The following CNKSR2 variants were observed in gnomAD, a reference collection of about 807,000 sequenced individuals.
CNKSR2 encodes the protein connector enhancer of kinase suppressor of Ras 2.
A neutral mutation model predicts 84.4 loss-of-function variants in CNKSR2; 14 were observed. The ratio of observed to expected loss-of-function variants is 0.17; its 90% CI spans 0.11 to 0.26. The LOEUF (loss-of-function observed/expected upper bound fraction) is 0.26, where lower values mean the gene tolerates loss of function less well. CNKSR2 is among the 10% of genes least tolerant of loss of function. The probability of loss-of-function intolerance (pLI) is 1.00; values close to 1 mark genes in which losing one functional copy is unlikely to be tolerated. For missense variants in CNKSR2, 485 were observed against 771.2 expected (o/e 0.63, Z 4.40); for synonymous variants, 275 against 277.9 (o/e 0.99, Z 0.10).
chrX:21,587,648 G>C (rs184531823), intron 13 of CNKSR2, among the ~76,000 whole-genome samples: 1 of 112,244 alleles, frequency 8.9e-6, no homozygotes, highest in Admixed American at 9.4e-5. Context: ...AGTTCTGCTA[G>C]AAAAGATGAT....
At chrX:21,647,221 G>C (rs1468835751) in intron 20 of CNKSR2, among the ~76,000 whole-genome samples, 2 of 112,365 alleles carry the variant, frequency 1.8e-5, no homozygotes, top group African/African-American at 6.5e-5. Flanking sequence ...CTTAGTGATA[G>C]CATGTGCTGA....
At chrX:21,378,823 C>T (rs2089857385) in intron 1 of CNKSR2, among the ~76,000 whole-genome samples, 2 of 111,309 alleles carry the variant, frequency 1.8e-5, no homozygotes, top group African/African-American at 6.5e-5. Context: ...CCCCATTTTG[C>T]TTGTCTTCTC....
chrX:21,545,160 G>A (rs898917083), intron 11 of CNKSR2, among the ~76,000 whole-genome samples: 4 of 111,653 alleles, frequency 3.6e-5, no homozygotes, highest in Non-Finnish European at 5.7e-5. Flanking sequence ...CTGCCAGCAC[G>A]GCAGTCTGAA....
intron 3 of CNKSR2, among the ~76,000 whole-genome samples, chrX:21,435,537 T>C (rs1331128840): frequency 1.8e-5 from 2 of 111,729 alleles, no homozygotes; most frequent in Admixed American, 1.9e-4. Context: ...ATTTAAAATA[T>C]TGATTTCAGT....
intron 18 of CNKSR2, 199 bp from the exon 19 acceptor site, chrX:21,606,580 T>G: frequency 6.2e-6 from 2 of 324,551 alleles, no homozygotes; most frequent in South Asian, 9.6e-5. Flanking sequence ...ATGTTAGAAT[T>G]AGGTGATTGT....
intron 20 of CNKSR2, among the ~76,000 whole-genome samples, chrX:21,614,823 A>G (rs2147292987): frequency 9.0e-6 from 1 of 111,351 alleles, no homozygotes; most frequent in South Asian, 3.8e-4. Flanking sequence ...ATGGCTTACC[A>G]ATGTCAGGAC....
At chrX:21,508,060 T>A (rs2091631805) in intron 8 of CNKSR2, among the ~76,000 whole-genome samples, 1 of 112,536 alleles carries the variant, frequency 8.9e-6, no homozygotes, top group Non-Finnish European at 1.9e-5. Context: ...GGGCGGTGGC[T>A]CATGCCTGTA....
intron 9 of CNKSR2, among the ~76,000 whole-genome samples, chrX:21,521,204 G>A (rs1473501391): frequency 9.0e-6 from 1 of 110,558 alleles, no homozygotes; most frequent in Non-Finnish European, 1.9e-5. Flanking sequence ...TGAGAGTTTT[G>A]TTTTAAGGAG....
chrX:21,521,016 A>T (rs2091777678), intron 9 of CNKSR2, among the ~76,000 whole-genome samples: 1 of 110,499 alleles, frequency 9.0e-6, no homozygotes, highest in Non-Finnish European at 1.9e-5. Context: ...TTGTTTATCA[A>T]CTGGTGTAAC....
intron 11 of CNKSR2, among the ~76,000 whole-genome samples, chrX:21,541,017 C>G (rs1391335258): frequency 9.2e-6 from 1 of 108,467 alleles, no homozygotes; most frequent in Non-Finnish European, 1.9e-5. Flanking sequence ...GAGTCTTGCT[C>G]TGTTGCCCAG....
chrX:21,590,718 G>A, intron 14 of CNKSR2, 98 bp downstream of exon 14: 1 of 893,093 alleles, frequency 1.1e-6, no homozygotes. Context: ...AGCCCAGTGT[G>A]GTTTAGAAGA....
rs775033986 is a variant in CNKSR2 at position 21,508,987 on chromosome X, G to T, written c.810+7399G>T. Among the ~76,000 whole-genome samples, 174 of 112,164 alleles carry T rather than the reference G, an allele frequency of 1.6e-3. 1 individual carries two copies. Among genetic ancestry groups the T allele is most frequent in the Non-Finnish European group, 2.3e-3 (121 of 53,188 alleles). On this transcript the variant is annotated intron_variant, in intron 8 of 21. Coordinates refer to ENST00000379510, the MANE Select transcript of CNKSR2 (RefSeq NM_014927.5). ...GCAAAAAGATTCCAGGGGAGAAAAAGTGCTAGCTTCTTGTAGTGTTTGAGT... is the reference window on the plus strand; with the variant it reads ...GCAAAAAGATTCCAGGGGAGAAAAATTGCTAGCTTCTTGTAGTGTTTGAGT...
chrX:21,460,820 G>A (rs2091051699), intron 4 of CNKSR2, among the ~76,000 whole-genome samples: 1 of 111,512 alleles, frequency 9.0e-6, no homozygotes, highest in Non-Finnish European at 1.9e-5. Context: ...TGCCTGGCCT[G>A]TTTCACTTAA....
At chrX:21,600,976 A>G (rs2092478437) in intron 17 of CNKSR2, among the ~76,000 whole-genome samples, 1 of 112,329 alleles carries the variant, frequency 8.9e-6, no homozygotes, top group African/African-American at 3.2e-5. Flanking sequence ...GAATATTTGG[A>G]GTACTTCTAC....
chrX:21,392,915 G>T (rs2090070649), intron 1 of CNKSR2, among the ~76,000 whole-genome samples: 2 of 110,921 alleles, frequency 1.8e-5, no homozygotes, highest in African/African-American at 6.6e-5. Context: ...CTTTATACTT[G>T]CCCTTAATTC....
chrX:21,464,496 G>T (rs1158414448), intron 4 of CNKSR2, among the ~76,000 whole-genome samples: 1 of 111,714 alleles, frequency 9.0e-6, no homozygotes, highest in African/African-American at 3.3e-5. Context: ...ATCGGCTGGG[G>T]GGACAATCCC....
chrX:21,639,437 G>A (rs1390267899), intron 20 of CNKSR2, among the ~76,000 whole-genome samples: 1 of 111,773 alleles, frequency 8.9e-6, no homozygotes, highest in Non-Finnish European at 1.9e-5. Context: ...TAGGAGTGCC[G>A]TTGTAGTTTC....
intron 20 of CNKSR2, among the ~76,000 whole-genome samples, chrX:21,612,613 C>T (rs2092556036): frequency 8.9e-6 from 1 of 112,172 alleles, no homozygotes; most frequent in Admixed American, 9.4e-5. Flanking sequence ...CTGTCATATG[C>T]TTTAAGGGTG....
At chrX:21,408,547 T>C (rs1237318254) in intron 1 of CNKSR2, among the ~76,000 whole-genome samples, 1 of 111,556 alleles carries the variant, frequency 9.0e-6, no homozygotes, top group African/African-American at 3.3e-5. Context: ...TTACATAATA[T>C]AAAGTCATTA....
Sources: gnomAD v4.1 joint callset for allele counts (sites outside exome capture counted in the v4.1 genomes callset) on GRCh38, gnomAD v4.1.1 for gene constraint, MANE v1.5 for transcripts, NCBI Gene and HGNC (gene_info 2026-07-23, HGNC 2026-07-21) for gene names.